NOP9: variants seen among roughly 807,000 people sequenced by gnomAD.
NOP9 encodes nucleolar protein 9.
NOP9 carries 50 observed loss-of-function variants against 63.0 expected under a neutral mutation model. That is an observed-to-expected ratio of 0.79 (90% CI 0.63 to 1.00). The LOEUF is 1.00. Among genes scored for constraint, NOP9 ranks in the 50% least tolerant of loss-of-function variants. NOP9 has a pLI of 0.00. For synonymous variants in NOP9, 343 were observed against 332.8 expected, an observed-to-expected ratio of 1.03 and a Z score of -0.33; for missense variants, 758 against 803.0, an observed-to-expected ratio of 0.94 and a Z score of 0.68.
the NOP9 span, chr14:24,271,264 C>A: frequency 9.3e-7 from 1 of 1,078,124 alleles, no homozygotes. Context: ...CAGAGACCCC[C>A]AGAGTGTAAA....
chr14:24,304,615 CTCTT>C lies in NOP9; in HGVS notation c.1753+19_1753+22del. 1 of 1,557,692 alleles carries C rather than the reference CTCTT, an allele frequency of 6.4e-7. No individual in the cohort carries two copies. On this transcript the variant is annotated intron_variant, in intron 9 of 9. Coordinates refer to ENST00000267425, the MANE Select transcript of NOP9 (RefSeq NM_174913.3). ...CTGAGCTTGGTGAGTACCAGCCCCT[CTCTT>C]TGATGTTTCCAGACTCTCCCCTCTC...
At chr14:24,301,787 A>G (rs1414266800) in intron 3 of NOP9, 65 bp downstream of exon 3, 2 of 1,567,044 alleles carry the variant, frequency 1.3e-6, no homozygotes, top group East Asian at 2.2e-5. Flanking sequence ...ACCACCAAGC[A>G]AGGCCCTTAC....
Position 24,305,944 on chromosome 14 carries a change from G to C in NOP9, c.*849G>C, listed in dbSNP as rs763947067. On this transcript the variant is annotated 3_prime_UTR_variant, in exon 10 of 10. Coordinates refer to ENST00000267425, the MANE Select transcript of NOP9 (RefSeq NM_174913.3). ...GGGGCAGTATGACATGTTGATTTCT[G>C]ACCTGAGTACTTTCTTTGGGCCAAG... 47 of 1,612,372 alleles carry C rather than the reference G, an allele frequency of 2.9e-5. No homozygotes were observed. The South Asian group carries it at 4.6e-4, about 16-fold the overall frequency.
At chr14:24,272,326 G>T in the NOP9 span, among the ~76,000 whole-genome samples, 88 of 152,242 alleles carry the variant, frequency 5.8e-4, 1 homozygote, top group South Asian at 0.018. Flanking sequence ...GATATCACCT[G>T]GTGTCCCAGA....
At chr14:24,292,726 G>C in the NOP9 span, 12 of 1,614,062 alleles carry the variant, frequency 7.4e-6, no homozygotes, top group Non-Finnish European at 1.0e-5. Flanking sequence ...ACCACGATGA[G>C]CCCCTGGCCA....
chr14:24,278,016 A>G, the NOP9 span, among the ~76,000 whole-genome samples: 2 of 152,194 alleles, frequency 1.3e-5, no homozygotes, highest in Non-Finnish European at 2.9e-5. Context: ...AAGCTTCCCC[A>G]TGGCACAAGC....
In NOP9 at chr14:24,307,713, A is replaced by G. The variant is rs113632442; in HGVS notation, c.*2618A>G. The G allele has an allele frequency of 1.5e-6, 2 of 1,327,778 alleles. No homozygotes were observed. Among genetic ancestry groups the G allele is most frequent in the African/African-American group, 2.9e-5 (2 of 68,604 alleles). 82.2% of individuals were successfully genotyped at this position (1,327,778 alleles called of 1,614,324 possible). A position where few individuals can be genotyped will look rare whatever the true frequency, so the allele number is the denominator to read the frequency against. ...ACAAGCCCACTGTGGAGTGGGGAGCAGGAGAGGAAGGGGTACTGGTTAGTC... is the reference window on the plus strand; with the variant it reads ...ACAAGCCCACTGTGGAGTGGGGAGCGGGAGAGGAAGGGGTACTGGTTAGTC... On this transcript the variant is annotated 3_prime_UTR_variant, in exon 10 of 10. Coordinates refer to ENST00000267425, the MANE Select transcript of NOP9 (RefSeq NM_174913.3).
rs1163511004 is a variant in NOP9, at chr14:24,300,743, C to G, written c.583C>G (p.Leu195Val). The G allele has an allele frequency of 6.2e-7, 1 of 1,614,014 alleles. No homozygotes were observed. The highest frequency in any genetic ancestry group is 1.3e-5 in the African/African-American group (1 of 74,910). Residue 195 changes from leucine (L) to valine (V), a missense_variant, in exon 2 of 10, where the codon CTT becomes GTT. By Grantham distance (32) the Leu-to-Val change is conservative (BLOSUM62 1). Transcript: ENST00000267425. ...AGCCGCTGAGGTGTGTGATGATTTT[C>G]TTGTCTACTGTGGAGACACACATGG... is the stretch of plus-strand genomic sequence containing the variant. ...GLAAEVCDDF[L>V]VYCGDTHGSF... is the part of the protein sequence containing the mutation.
the NOP9 span, chr14:24,292,130 G>T: frequency 1.7e-5 from 28 of 1,608,474 alleles, no homozygotes; most frequent in Non-Finnish European, 2.4e-5. Context: ...TGTTATTGAG[G>T]ATGCAGAGGC....
At chr14:24,299,729 G>T, upstream of NOP9, 1 of 517,274 alleles carries the variant, frequency 1.9e-6, no homozygotes, top group Non-Finnish European at 3.4e-6. Flanking sequence ...TGAGGTAGAG[G>T]GGCAGAGTCC....
Position 24,305,299 on chromosome 14 carries a change from G to A in NOP9, c.*204G>A. ...GAGAGGGCTGTCATCAGTATGCTGG[G>A]GAGTTTAGGGACAGGAGGCATTGGT... On this transcript the variant is annotated 3_prime_UTR_variant, in exon 10 of 10. Transcript: ENST00000267425. The A allele has an allele frequency of 3.4e-6, 2 of 590,036 alleles. No homozygotes were observed. The highest frequency in any genetic ancestry group is 5.5e-6 in the Non-Finnish European group (2 of 366,764). 36.6% of individuals were successfully genotyped at this position (590,036 alleles called of 1,614,324 possible). A position where few individuals can be genotyped will look rare whatever the true frequency, so the allele number is the denominator to read the frequency against.
chr14:24,279,005 G>A, the NOP9 span, among the ~76,000 whole-genome samples: 1 of 152,226 alleles, frequency 6.6e-6, no homozygotes, highest in African/African-American at 2.4e-5. Context: ...CATATCTTGA[G>A]AGCAAAGACC....
At chr14:24,277,332 G>C in the NOP9 span, among the ~76,000 whole-genome samples, 1 of 152,166 alleles carries the variant, frequency 6.6e-6, no homozygotes, top group African/African-American at 2.4e-5. Context: ...GAGAGGCTGA[G>C]AGGTCAAGGC....
chr14:24,301,353 A>G (rs897633690), intron 2 of NOP9, among the ~76,000 whole-genome samples: 1 of 152,202 alleles, frequency 6.6e-6, no homozygotes, highest in Non-Finnish European at 1.5e-5. Context: ...AGTTTAAATG[A>G]GGCTTTATTT....
chr14:24,304,416 AAATTCACTC>A (rs1470016581), intron 8 of NOP9, 68 bp from the exon 9 acceptor site: 3 of 1,407,156 alleles, frequency 2.1e-6, no homozygotes, highest in Non-Finnish European at 2.9e-6. Flanking sequence ...ACTCTTCAGA[AAATTCACTC>A]TCCACAAGCC....
the NOP9 span, chr14:24,294,181 T>G: frequency 6.6e-6 from 1 of 152,220 alleles, no homozygotes; most frequent in Non-Finnish European, 1.5e-5. Context: ...AGGCTTTTAT[T>G]AGCGTCACAC....
chr14:24,276,405 C>G, the NOP9 span, among the ~76,000 whole-genome samples: 1 of 150,846 alleles, frequency 6.6e-6, no homozygotes, highest in East Asian at 1.9e-4. Flanking sequence ...GGTGGGACTA[C>G]AGGCACACAC....
chr14:24,292,170 C>T, the NOP9 span: 2 of 1,614,062 alleles, frequency 1.2e-6, no homozygotes, highest in Middle Eastern at 1.6e-4. Flanking sequence ...TTCCTTCGCC[C>T]TCCCCTTGCC....
At chr14:24,292,399 T>C in the NOP9 span, 1 of 1,596,068 alleles carries the variant, frequency 6.3e-7, no homozygotes. Context: ...CCCTCTCTGC[T>C]TCTACTGTGA....
Sources: allele counts gnomAD v4.1 joint callset (sites outside exome capture counted in the v4.1 genomes callset), GRCh38; gene constraint gnomAD v4.1.1; transcripts MANE v1.5; gene names NCBI Gene and HGNC (gene_info 2026-07-23, HGNC 2026-07-21).